The following LDLRAD3 variants were observed in gnomAD, a reference collection of about 807,000 sequenced individuals.
LDLRAD3 encodes the protein low density lipoprotein receptor class A domain containing 3, also known as low-density lipoprotein receptor class A domain-containing protein 3.
A neutral mutation model predicts 29.4 loss-of-function variants in LDLRAD3; 20 were observed. That is an observed-to-expected ratio of 0.68 (90% CI 0.48 to 0.99). The LOEUF is 0.99. LDLRAD3 is among the 50% of genes least tolerant of loss of function. LDLRAD3 has a pLI of 0.00. For missense variants in LDLRAD3, 420 were observed against 454.3 expected, an observed-to-expected ratio of 0.92 and a Z score of 0.69; for synonymous variants, 157 against 192.7, an observed-to-expected ratio of 0.81 and a Z score of 1.53.
chr11:36,040,121 T>C (rs573354233), intron 2 of LDLRAD3, among the ~76,000 whole-genome samples: 2 of 152,214 alleles, frequency 1.3e-5, no homozygotes, highest in South Asian at 4.2e-4. Flanking sequence ...GAGAGGTGAT[T>C]ACTTCAAGTG....
At chr11:36,090,231 CAGTG>C (rs368766472) in intron 3 of LDLRAD3, among the ~76,000 whole-genome samples, 137 of 152,152 alleles carry the variant, frequency 9.0e-4, no homozygotes, top group Middle Eastern at 6.8e-3. Flanking sequence ...ATTTTATACT[CAGTG>C]AGAAGCAGTT....
At chr11:36,055,033 G>A (rs1229714121) in intron 2 of LDLRAD3, among the ~76,000 whole-genome samples, 6 of 11,878 alleles carry the variant, frequency 5.1e-4, no homozygotes, top group East Asian at 2.5e-3. Flanking sequence ...ATGAATGGAT[G>A]GATGGATGCA....
chr11:36,053,466 T>C lies in LDLRAD3; in HGVS notation c.193+17217T>C, dbSNP rs914893713. Among the ~76,000 whole-genome samples, 8 of 152,316 alleles carry C rather than the reference T, an allele frequency of 5.3e-5. 1 individual carries two copies. In the South Asian group the frequency reaches 1.7e-3, roughly 32 times the overall value. ...TTAATAGAAATGCTCAGGCTTTTGA[T>C]GGTTTCAGCTCCCAGCTTCACTCAT... is the stretch of plus-strand genomic sequence containing the variant. On this transcript the variant is annotated intron_variant, in intron 2 of 5. Coordinates refer to ENST00000315571, the MANE Select transcript of LDLRAD3 (RefSeq NM_174902.4).
intron 4 of LDLRAD3, among the ~76,000 whole-genome samples, chr11:36,191,614 A>ACG (rs1854952498): frequency 8.2e-6 from 1 of 122,376 alleles, no homozygotes; most frequent in Non-Finnish European, 1.7e-5. Flanking sequence ...ACACACACAC[A>ACG]CACACACACG....
intron 4 of LDLRAD3, among the ~76,000 whole-genome samples, chr11:36,127,782 C>T (rs924461555): frequency 2.0e-5 from 3 of 152,008 alleles, no homozygotes; most frequent in South Asian, 2.1e-4. Context: ...AGTGACCTGC[C>T]CAAGATCACA....
At chr11:36,158,414 A>G (rs1854385488) in intron 4 of LDLRAD3, among the ~76,000 whole-genome samples, 2 of 151,874 alleles carry the variant, frequency 1.3e-5, no homozygotes, top group Non-Finnish European at 1.5e-5. Context: ...TCAGCTCTTT[A>G]TCAGGTGCCA....
chr11:36,141,894 G>C (rs1215413870), intron 4 of LDLRAD3, among the ~76,000 whole-genome samples: 1 of 152,192 alleles, frequency 6.6e-6, no homozygotes, highest in African/African-American at 2.4e-5. Flanking sequence ...CATTTCTGAA[G>C]GCAATAAATT....
intron 4 of LDLRAD3, among the ~76,000 whole-genome samples, chr11:36,226,066 C>CAAATAAATAAAT (rs3081279): frequency 1.1e-3 from 157 of 148,044 alleles, no homozygotes; most frequent in African/African-American, 2.4e-3. Context: ...GACCCTGTCT[C>CAAATAAATAAAT]AAATAAATAA....
intron 5 of LDLRAD3, 30 bp downstream of exon 5, chr11:36,227,460 G>A (rs1855516938): frequency 1.4e-6 from 2 of 1,475,768 alleles, no homozygotes; most frequent in South Asian, 1.3e-5. Flanking sequence ...GATTGAGGCG[G>A]GAGAGGTCAT....
At chr11:35,952,082 T>C (rs1446858496) in intron 1 of LDLRAD3, among the ~76,000 whole-genome samples, 1 of 152,252 alleles carries the variant, frequency 6.6e-6, no homozygotes, top group Non-Finnish European at 1.5e-5. Context: ...CTGGTGGATC[T>C]TATTTCATTT....
chr11:35,965,204 T>G (rs1485851827), intron 1 of LDLRAD3, among the ~76,000 whole-genome samples: 2 of 152,218 alleles, frequency 1.3e-5, no homozygotes, highest in Non-Finnish European at 2.9e-5. Flanking sequence ...CAAATCACTC[T>G]CTAATTATCC....
chr11:36,085,333 T>C (rs1853178761), intron 3 of LDLRAD3, among the ~76,000 whole-genome samples: 1 of 149,706 alleles, frequency 6.7e-6, no homozygotes, highest in Non-Finnish European at 1.5e-5. Flanking sequence ...CATTTTTCTT[T>C]AGCTGCTTTG....
At chr11:36,068,015 T>C (rs1852824863) in intron 2 of LDLRAD3, among the ~76,000 whole-genome samples, 1 of 152,230 alleles carries the variant, frequency 6.6e-6, no homozygotes, top group Admixed American at 6.5e-5. Context: ...TCTGTTGTGC[T>C]TACCACATCT....
At chr11:36,038,101 G>A (rs955004558) in intron 2 of LDLRAD3, among the ~76,000 whole-genome samples, 7 of 151,960 alleles carry the variant, frequency 4.6e-5, no homozygotes, top group South Asian at 2.1e-4. Flanking sequence ...GTTTCACCAC[G>A]TTGCCCAGGT....
intron 4 of LDLRAD3, among the ~76,000 whole-genome samples, chr11:36,200,787 T>A (rs185898308): frequency 1.3e-5 from 2 of 152,330 alleles, no homozygotes; most frequent in African/African-American, 4.8e-5. Context: ...TGTTCTTCTA[T>A]CAATCAGCCA....
intron 1 of LDLRAD3, among the ~76,000 whole-genome samples, chr11:35,957,684 CAGGT>C (rs1244446244): frequency 6.7e-6 from 1 of 150,138 alleles, no homozygotes; most frequent in Non-Finnish European, 1.5e-5. Context: ...TCTATAGTCT[CAGGT>C]AGGAGGCTGA....
At chr11:36,159,268 A>G (rs1854400101) in intron 4 of LDLRAD3, among the ~76,000 whole-genome samples, 1 of 152,108 alleles carries the variant, frequency 6.6e-6, no homozygotes, top group South Asian at 2.1e-4. Flanking sequence ...GGAATTTGAG[A>G]CCAGCCTGGG....
chr11:36,039,212 G>A (rs1437740061), intron 2 of LDLRAD3, among the ~76,000 whole-genome samples: 1 of 151,960 alleles, frequency 6.6e-6, no homozygotes, highest in Non-Finnish European at 1.5e-5. Flanking sequence ...CTCGTGACCC[G>A]CCCGCCTCGG....
chr11:36,028,240 C>T (rs1852192052), intron 1 of LDLRAD3, among the ~76,000 whole-genome samples: 2 of 152,218 alleles, frequency 1.3e-5, no homozygotes, highest in Non-Finnish European at 1.5e-5. Context: ...TAAGGTTCAA[C>T]AGGTTCTGTT....
Sources: gnomAD v4.1 joint callset for allele counts (sites outside exome capture counted in the v4.1 genomes callset) on GRCh38, gnomAD v4.1.1 for gene constraint, MANE v1.5 for transcripts, NCBI Gene and HGNC (gene_info 2026-07-23, HGNC 2026-07-21) for gene names.